PTPRG: variants seen among roughly 807,000 people sequenced by gnomAD.
The protein encoded by PTPRG is receptor-type tyrosine-protein phosphatase gamma.
A neutral mutation model predicts 165.3 loss-of-function variants in PTPRG; 102 were observed. The ratio of observed to expected loss-of-function variants is 0.62; its 90% CI spans 0.53 to 0.73. PTPRG has a LOEUF of 0.73. Ranked by LOEUF, PTPRG falls within the 30% of genes least tolerant of loss-of-function variation. The pLI, the probability that PTPRG is intolerant of heterozygous loss-of-function variation, is 0.00. For missense variants in PTPRG, 1,866 were observed against 1,861.4 expected, an observed-to-expected ratio of 1.00 and a Z score of -0.05; for synonymous variants, 675 against 669.5, an observed-to-expected ratio of 1.01 and a Z score of -0.13.
chr3:61,623,140 G>A lies in PTPRG; in HGVS notation c.85+60768G>A, dbSNP rs554272437. The stretch of plus-strand genomic sequence containing the variant: ...ATGAGCCAACACTTGGATTTGGAAG[G>A]GTATGATAGATTTTTTTGCTCAGGG... On this transcript the variant is annotated intron_variant, in intron 1 of 29. Transcript: ENST00000474889. 4.9e-4 allele frequency among the ~76,000 whole-genome samples: 74 copies of A among 152,212 alleles called. 5 individuals carry two copies. In the South Asian group the frequency reaches 0.015, roughly 32 times the overall value.
At chr3:62,047,398 C>G (rs991970149) in intron 4 of PTPRG, among the ~76,000 whole-genome samples, 5 of 151,974 alleles carry the variant, frequency 3.3e-5, no homozygotes, top group African/African-American at 4.8e-5. Context: ...TAGCTGAGAC[C>G]ACAAGCGTGA....
chr3:61,734,468 C>T (rs888478600), intron 1 of PTPRG, among the ~76,000 whole-genome samples: 1 of 152,124 alleles, frequency 6.6e-6, no homozygotes. Context: ...ATTTAATAAA[C>T]CTTTGTAAGT....
rs79487187 is a variant in PTPRG at position 61,710,614 on chromosome 3, A to G, written c.86-38264A>G. ...CTTAAAACATTATGAGTTTTTTTGC[A>G]TTTTTTTTTTTAAAGCTCATTAGCT... On this transcript the variant is annotated intron_variant, in intron 1 of 29. Coordinates refer to ENST00000474889, the MANE Select transcript of PTPRG (RefSeq NM_002841.4). 2.8e-5 allele frequency among the ~76,000 whole-genome samples: 4 copies of G among 145,298 alleles called. No homozygotes were observed. In the East Asian group the frequency reaches 8.0e-4, roughly 29 times the overall value.
At chr3:61,846,630 T>G (rs2036813151) in intron 2 of PTPRG, among the ~76,000 whole-genome samples, 1 of 150,188 alleles carries the variant, frequency 6.7e-6, no homozygotes, top group Admixed American at 6.6e-5. Context: ...AGAGACAATA[T>G]TTTTATTGGG....
intron 1 of PTPRG, among the ~76,000 whole-genome samples, chr3:61,700,003 G>T (rs2030865310): frequency 1.3e-5 from 2 of 152,092 alleles, no homozygotes; most frequent in South Asian, 4.1e-4. Flanking sequence ...TTCAAGTTTA[G>T]GTCAGTGATA....
intron 1 of PTPRG, among the ~76,000 whole-genome samples, chr3:61,718,224 A>C (rs1011520936): frequency 4.6e-5 from 7 of 151,882 alleles, no homozygotes; most frequent in African/African-American, 9.7e-5. Context: ...AAAAAAAAAA[A>C]AAAAACGCAG....
At position 61,632,758 on chromosome 3, in the gene PTPRG, TC is replaced by T. The variant is rs1298644452; in HGVS notation, c.85+70387del. Reference sequence around the variant, plus strand: ...AGTTGAGCATTTCTGACCAATTATTTCACAAAGAACTAGAGTCATTACATCA... The same window carrying T: ...AGTTGAGCATTTCTGACCAATTATTTACAAAGAACTAGAGTCATTACATCA... On this transcript the variant is annotated intron_variant, in intron 1 of 29. Transcript: ENST00000474889. Among the ~76,000 whole-genome samples, 3 of 152,184 alleles carry T rather than the reference TC, an allele frequency of 2.0e-5. No individual in the cohort carries two copies. The East Asian group carries it at 5.8e-4, about 29-fold the overall frequency.
intron 4 of PTPRG, among the ~76,000 whole-genome samples, chr3:62,018,745 C>G (rs1170185172): frequency 2.0e-5 from 3 of 152,172 alleles, no homozygotes; most frequent in African/African-American, 7.2e-5. Flanking sequence ...TCTGATAGGA[C>G]AAAATGTGGG....
intron 1 of PTPRG, among the ~76,000 whole-genome samples, chr3:61,592,645 CTTTCTTTTTT>C (rs1700600470): frequency 7.1e-6 from 1 of 140,878 alleles, no homozygotes; most frequent in African/African-American, 2.8e-5. Context: ...TTCTTTCTTT[CTTTCTTTTTT>C]TTTTTTTTTA....
At chr3:62,032,891 G>T (rs1699815174) in intron 4 of PTPRG, among the ~76,000 whole-genome samples, 1 of 152,108 alleles carries the variant, frequency 6.6e-6, no homozygotes, top group Admixed American at 6.5e-5. Flanking sequence ...AATGCTAAGG[G>T]GAATCAGATG....
chr3:62,078,232 A>G lies in PTPRG; in HGVS notation c.589A>G (p.Ile197Val), dbSNP rs1701456094. 3 of 1,607,252 alleles carry G rather than the reference A, an allele frequency of 1.9e-6. No individual in the cohort carries two copies. The African/African-American group carries it at 4.0e-5, about 22-fold the overall frequency. The change falls in exon 5 of 30, where the codon ATC becomes GTC. Residue 197 changes from isoleucine to valine, a missense_variant. By Grantham distance (29) the Ile-to-Val change is conservative (BLOSUM62 3). This residue lies in a region of PTPRG where 408 missense variants were observed against 376.2 expected (regional missense o/e 1.08). Coordinates refer to ENST00000474889, the MANE Select transcript of PTPRG (RefSeq NM_002841.4). The stretch of plus-strand genomic sequence containing the variant: ...AACCGCAATTTCTGAGAACAGAATA[A>G]TCGGAGCCATGGCCATATTTTTTCA... ...FQTAISENRIIGAMAIFFQVS... is the reference protein window; with the variant it reads ...FQTAISENRIVGAMAIFFQVS...
At chr3:61,950,353 G>C (rs1051162819) in intron 2 of PTPRG, among the ~76,000 whole-genome samples, 1 of 152,120 alleles carries the variant, frequency 6.6e-6, no homozygotes, top group Admixed American at 6.5e-5. Flanking sequence ...CTGAATGCTT[G>C]ATTGTGAGAA....
chr3:61,600,415 A>T (rs910334293), intron 1 of PTPRG, among the ~76,000 whole-genome samples: 1 of 152,090 alleles, frequency 6.6e-6, no homozygotes, highest in African/African-American at 2.4e-5. Context: ...GTAAGACATG[A>T]ACTGTACTTT....
At chr3:61,633,775 C>A (rs1215833472) in intron 1 of PTPRG, among the ~76,000 whole-genome samples, 1 of 151,992 alleles carries the variant, frequency 6.6e-6, no homozygotes, top group Non-Finnish European at 1.5e-5. Context: ...TTATCTTGTA[C>A]CTTATCTTAG....
At chr3:61,690,319 A>G (rs1003121900) in intron 1 of PTPRG, among the ~76,000 whole-genome samples, 1 of 152,204 alleles carries the variant, frequency 6.6e-6, no homozygotes, top group Non-Finnish European at 1.5e-5. Context: ...CCCCTAAGGA[A>G]CAGCATCAGA....
intron 5 of PTPRG, among the ~76,000 whole-genome samples, chr3:62,128,546 G>A (rs189274919): frequency 3.6e-4 from 55 of 151,790 alleles, no homozygotes; most frequent in Non-Finnish European, 6.5e-4. Flanking sequence ...TTGTTGCCCG[G>A]TGTTATTGTC....
chr3:61,886,628 A>G lies in PTPRG; in HGVS notation c.191-102997A>G, dbSNP rs553572075. Among the ~76,000 whole-genome samples, 5 of 152,268 alleles carry G rather than the reference A, an allele frequency of 3.3e-5. No individual in the cohort carries two copies. The South Asian group carries it at 1.0e-3, about 32-fold the overall frequency. ...GGTGGAAAGACAGAAAGCTTCAATC[A>G]GGAAGATGGGGAGTTAACAGGTAGG... On this transcript the variant is annotated intron_variant, in intron 2 of 29. Transcript: ENST00000474889.
At chr3:62,089,266 T>A (rs1345689760) in intron 5 of PTPRG, among the ~76,000 whole-genome samples, 1 of 152,232 alleles carries the variant, frequency 6.6e-6, no homozygotes, top group African/African-American at 2.4e-5. Context: ...TTTCTGATTT[T>A]ATGGAAATAC....
intron 2 of PTPRG, among the ~76,000 whole-genome samples, chr3:61,923,230 T>C (rs978925205): frequency 6.6e-6 from 1 of 152,164 alleles, no homozygotes; most frequent in Non-Finnish European, 1.5e-5. Context: ...AAATTAATCA[T>C]TATTTTGCAC....
Sources: allele counts gnomAD v4.1 joint callset (sites outside exome capture counted in the v4.1 genomes callset), GRCh38; gene constraint gnomAD v4.1.1; regional missense constraint gnomAD v4.1.1; transcripts MANE v1.5; gene names NCBI Gene and HGNC (gene_info 2026-07-23, HGNC 2026-07-21).